The following EXOC4 variants were observed in gnomAD, a reference collection of about 807,000 sequenced individuals.
EXOC4 encodes the protein exocyst complex component 4, also known as SEC8-like 1.
A neutral mutation model predicts 107.2 loss-of-function variants in EXOC4; 71 were observed. The observed-to-expected ratio is 0.66, with a 90% confidence interval of 0.55 to 0.81. The LOEUF is 0.81. Ranked by LOEUF, EXOC4 falls within the 30% of genes least tolerant of loss-of-function variation. The probability of loss-of-function intolerance (pLI) is 0.00; values close to 1 mark genes in which losing one functional copy is unlikely to be tolerated. For missense variants in EXOC4, 1,108 were observed against 1,189.6 expected, an observed-to-expected ratio of 0.93 and a Z score of 1.01; for synonymous variants, 456 against 441.2, an observed-to-expected ratio of 1.03 and a Z score of -0.42.
chr7:134,003,491 C>T (rs1000174852), intron 15 of EXOC4, among the ~76,000 whole-genome samples: 3 of 152,274 alleles, frequency 2.0e-5, no homozygotes, highest in African/African-American at 4.8e-5. Flanking sequence ...ACAGGCAAAG[C>T]GTGGTCGCAT....
At chr7:133,875,437 T>C (rs77990785) in intron 11 of EXOC4, among the ~76,000 whole-genome samples, 2,345 of 152,266 alleles carry the variant, frequency 0.015, 59 homozygotes, top group African/African-American at 0.053. Flanking sequence ...TTGTCTTAGG[T>C]ATCAGTTCTG....
At chr7:133,438,632 A>G (rs140156231) in intron 7 of EXOC4, among the ~76,000 whole-genome samples, 171 of 152,258 alleles carry the variant, frequency 1.1e-3, no homozygotes, top group African/African-American at 4.0e-3. Flanking sequence ...TGAAGAGCCA[A>G]ACATCCCAAG....
chr7:133,888,047 A>G (rs1053750984), intron 11 of EXOC4, among the ~76,000 whole-genome samples: 3 of 152,198 alleles, frequency 2.0e-5, no homozygotes, highest in African/African-American at 7.2e-5. Flanking sequence ...GGTTTGCCTT[A>G]TAGAATATAG....
chr7:133,446,355 C>T (rs1212373715), intron 7 of EXOC4, among the ~76,000 whole-genome samples: 1 of 152,160 alleles, frequency 6.6e-6, no homozygotes, highest in Non-Finnish European at 1.5e-5. Context: ...TTTCGCCCTA[C>T]TCTGTGCTGT....
intron 7 of EXOC4, among the ~76,000 whole-genome samples, chr7:133,459,189 T>A (rs1361005228): frequency 6.6e-6 from 1 of 152,162 alleles, no homozygotes; most frequent in African/African-American, 2.4e-5. Context: ...CATGCTGTCT[T>A]TTTTCTTTTC....
At chr7:133,697,337 T>C (rs1794558046) in intron 10 of EXOC4, among the ~76,000 whole-genome samples, 1 of 152,202 alleles carries the variant, frequency 6.6e-6, no homozygotes, top group Non-Finnish European at 1.5e-5. Flanking sequence ...GTTTAAGGAA[T>C]GGGAAGGCAC....
intron 7 of EXOC4, among the ~76,000 whole-genome samples, chr7:133,400,496 A>G (rs1418659816): frequency 2.0e-5 from 3 of 152,236 alleles, no homozygotes; most frequent in South Asian, 2.1e-4. Flanking sequence ...TTGACCAAAG[A>G]CTGTGTTTTT....
rs1050179425 is a variant in EXOC4, at chr7:133,305,933, C to T, written c.528C>T (p.Asp176=). 1.9e-6 allele frequency: 3 copies of T among 1,613,138 alleles called. No individual in the cohort carries two copies. The highest frequency in any genetic ancestry group is 2.7e-5 in the African/African-American group (2 of 74,832). ...GPLLQVEGLS[D]LRLELHSKKM... Reference sequence around the variant, plus strand: ...TGCTCCAGGTGGAAGGACTGAGTGACCTTCGACTAGAGCTTCACAGCAAGA... The same window carrying T: ...TGCTCCAGGTGGAAGGACTGAGTGATCTTCGACTAGAGCTTCACAGCAAGA... Residue 176 remains aspartate (D), a synonymous_variant, in exon 4 of 18, where the codon GAC becomes GAT. Transcript: ENST00000253861.
intron 16 of EXOC4, 91 bp downstream of exon 16, chr7:134,005,181 A>G: frequency 1.5e-6 from 2 of 1,326,752 alleles, no homozygotes; most frequent in South Asian, 1.4e-5. Context: ...CAAGACTTGT[A>G]GAAAAGAGTT....
chr7:133,267,421 G>A (rs562885199), intron 1 of EXOC4, among the ~76,000 whole-genome samples: 1 of 152,284 alleles, frequency 6.6e-6, no homozygotes, highest in Non-Finnish European at 1.5e-5. Context: ...CCCTGTTTCA[G>A]GGTCTGTTCT....
chr7:133,992,653 G>C (rs1053321700), intron 14 of EXOC4, among the ~76,000 whole-genome samples: 1 of 151,286 alleles, frequency 6.6e-6, no homozygotes. Context: ...GAGTTTTGGG[G>C]TGGAGTCTTT....
At chr7:133,280,278 A>G (rs1794102594) in intron 2 of EXOC4, among the ~76,000 whole-genome samples, 1 of 152,236 alleles carries the variant, frequency 6.6e-6, no homozygotes, top group South Asian at 2.1e-4. Flanking sequence ...CAATTGCTCA[A>G]AATGAGATGT....
In EXOC4 at chr7:133,895,685, G is replaced by T; in HGVS notation, c.1821G>T (p.Met607Ile). 1 of 1,614,130 alleles carries T rather than the reference G, an allele frequency of 6.2e-7. No individual in the cohort carries two copies. The highest frequency in any genetic ancestry group is 1.1e-5 in the South Asian group (1 of 91,076). The change falls in exon 12 of 18, where the codon ATG (methionine) becomes ATT (isoleucine). Residue 607 changes from methionine (M) to isoleucine (I), a missense_variant. Coordinates refer to ENST00000253861, the MANE Select transcript of EXOC4 (RefSeq NM_021807.4). ...CATATTCAGATCAATTCCTCAACAT[G>T]GTGTGCGTGAAGCTCCAGGAGTACA... ...LSAYSDQFLN[M>I]VCVKLQEYKD...
intron 17 of EXOC4, 40 bp downstream of exon 17, chr7:134,007,875 T>G: frequency 6.4e-7 from 1 of 1,567,278 alleles, no homozygotes; most frequent in South Asian, 1.2e-5. Context: ...ATGCCAAAGC[T>G]AAGACCTCGT....
At chr7:133,762,843 C>A (rs943148971) in intron 10 of EXOC4, among the ~76,000 whole-genome samples, 6 of 151,884 alleles carry the variant, frequency 4.0e-5, no homozygotes, top group Non-Finnish European at 8.8e-5. Context: ...TAGAAAAGAA[C>A]AAGAAAATAC....
At chr7:133,996,987 G>T (rs1191510378) in intron 14 of EXOC4, among the ~76,000 whole-genome samples, 2 of 152,214 alleles carry the variant, frequency 1.3e-5, no homozygotes. Context: ...TAGAGCCAAT[G>T]ATTAGAAGTT....
Position 133,291,266 on chromosome 7 carries a change from A to G in EXOC4, c.471+2150A>G, listed in dbSNP as rs115170177. Among the ~76,000 whole-genome samples the G allele has an allele frequency of 1.6e-3, 241 of 152,146 alleles. 3 individuals carry two copies. Among genetic ancestry groups the G allele is most frequent in the African/African-American group, 5.5e-3 (228 of 41,518 alleles). ...TATTAATTCTTCTTGTCTGTTAGAT[A>G]TCTTCTCCCAATTGGGGATTTGTCT... On this transcript the variant is annotated intron_variant, in intron 3 of 17. Coordinates refer to ENST00000253861, the MANE Select transcript of EXOC4 (RefSeq NM_021807.4).
intron 7 of EXOC4, among the ~76,000 whole-genome samples, chr7:133,391,681 AG>A (rs1796856924): frequency 6.6e-6 from 1 of 152,232 alleles, no homozygotes; most frequent in Admixed American, 6.5e-5. Flanking sequence ...ACTCCTCATT[AG>A]TTGGCATTAG....
intron 14 of EXOC4, among the ~76,000 whole-genome samples, chr7:133,951,661 T>C (rs1291112861): frequency 6.6e-6 from 1 of 152,240 alleles, no homozygotes; most frequent in Non-Finnish European, 1.5e-5. Flanking sequence ...AAAAGATCTT[T>C]GCTGTATTGC....
Sources: gnomAD v4.1 joint callset for allele counts (sites outside exome capture counted in the v4.1 genomes callset) on GRCh38, gnomAD v4.1.1 for gene constraint, MANE v1.5 for transcripts, NCBI Gene and HGNC (gene_info 2026-07-23, HGNC 2026-07-21) for gene names.